AOAH: variants seen among roughly 807,000 people sequenced by gnomAD.
AOAH encodes the protein acyloxyacyl hydrolase (neutrophil).
In AOAH, 64 loss-of-function variants were observed where a neutral mutation model predicts 92.2. That is an observed-to-expected ratio of 0.69 (90% CI 0.57 to 0.86). The LOEUF is 0.86. Ranked by LOEUF, AOAH falls within the 40% of genes least tolerant of loss-of-function variation. AOAH has a pLI of 0.00. For missense variants in AOAH, 656 were observed against 694.6 expected, an observed-to-expected ratio of 0.94 and a Z score of 0.62; for synonymous variants, 263 against 254.5, an observed-to-expected ratio of 1.03 and a Z score of -0.32.
rs1182018694 is a variant in AOAH at position 36,668,793 on chromosome 7, T to G, written c.290+5150A>C. Among the ~76,000 whole-genome samples the G allele has an allele frequency of 2.0e-5, 3 of 152,262 alleles. No homozygotes were observed. In the East Asian group the frequency reaches 5.8e-4, roughly 29 times the overall value. ...TGAGCCATCACACCCAGCCCTGATC[T>G]TACTTCTCTTAAAGATCTATGAAGT... On this transcript the variant is annotated intron_variant, in intron 3 of 20. Coordinates refer to ENST00000617537, the MANE Select transcript of AOAH (RefSeq NM_001637.4).
rs778805687 is a variant in AOAH at position 36,522,125 on chromosome 7, A to G, written c.1523-10T>C. 1.2e-6 allele frequency: 2 copies of G among 1,613,788 alleles called. No homozygotes were observed. The highest frequency in any genetic ancestry group is 1.1e-5 in the South Asian group (1 of 91,064). On this transcript the variant is annotated splice_polypyrimidine_tract_variant and intron_variant, in intron 19 of 20. Transcript: ENST00000617537. ...TGCCACTCCTGTATGACTGCAGGGC[A>G]CATAACGAGAGGGTTACAGACACAC...
In AOAH at chr7:36,564,616, GC is replaced by G. The variant is rs1787547577; in HGVS notation, c.1021+11957del. Reference sequence around the variant, plus strand: ...CTTTCCCTGATGTCCTTTATCTCAAGCCCTAAACAAAAGACATCTGTTTAAA... The same window carrying G: ...CTTTCCCTGATGTCCTTTATCTCAAGCCTAAACAAAAGACATCTGTTTAAA... On this transcript the variant is annotated intron_variant, in intron 13 of 20. Transcript: ENST00000617537. 3.3e-5 allele frequency among the ~76,000 whole-genome samples: 5 copies of G among 152,326 alleles called. No individual in the cohort carries two copies. The South Asian group carries it at 1.0e-3, about 32-fold the overall frequency.
chr7:36,698,390 T>C lies in AOAH; in HGVS notation c.128-11596A>G, dbSNP rs140234097. On this transcript the variant is annotated intron_variant, in intron 1 of 20. Transcript: ENST00000617537. Reference sequence around the variant, plus strand: ...ATTTCAAAAGGACTATATTTTGGTTTCATCGATTCTCTCTATTGCATTCCT... The same window carrying C: ...ATTTCAAAAGGACTATATTTTGGTTCCATCGATTCTCTCTATTGCATTCCT... Among the ~76,000 whole-genome samples, 15 of 152,252 alleles carry C rather than the reference T, an allele frequency of 9.9e-5. No homozygotes were observed. The East Asian group carries it at 2.9e-3, about 29-fold the overall frequency.
At chr7:36,683,583 A>G (rs1323076311) in intron 2 of AOAH, among the ~76,000 whole-genome samples, 3 of 152,188 alleles carry the variant, frequency 2.0e-5, no homozygotes, top group Non-Finnish European at 2.9e-5. Flanking sequence ...TTTTATGTGC[A>G]AGGAAGGATA....
intron 13 of AOAH, among the ~76,000 whole-genome samples, chr7:36,562,878 G>A (rs1245894879): frequency 6.6e-6 from 1 of 152,018 alleles, no homozygotes; most frequent in Non-Finnish European, 1.5e-5. Context: ...GCCAGACGCG[G>A]TGGCTCACAC....
intron 16 of AOAH, among the ~76,000 whole-genome samples, chr7:36,540,071 C>A (rs768980140): frequency 1.3e-5 from 2 of 152,116 alleles, no homozygotes; most frequent in African/African-American, 2.4e-5. Context: ...CTGGTTTGAG[C>A]ACTTACCTTT....
chr7:36,582,720 T>C (rs1789019886), intron 12 of AOAH, among the ~76,000 whole-genome samples: 1 of 152,206 alleles, frequency 6.6e-6, no homozygotes, highest in Non-Finnish European at 1.5e-5. Flanking sequence ...AGAACCTATT[T>C]GGAGAGAGGC....
chr7:36,610,508 TTTTA>T (rs890387732), intron 11 of AOAH, among the ~76,000 whole-genome samples: 10 of 102,892 alleles, frequency 9.7e-5, no homozygotes, highest in African/African-American at 3.4e-4. Flanking sequence ...TTTTTTTTTT[TTTTA>T]AAAAAAAAGA....
At chr7:36,658,749 C>T (rs950792851) in intron 4 of AOAH, among the ~76,000 whole-genome samples, 23 of 152,266 alleles carry the variant, frequency 1.5e-4, no homozygotes, top group Admixed American at 9.8e-4. Flanking sequence ...TAAGGCTCAG[C>T]GTAGGGTGAC....
Position 36,616,454 on chromosome 7 carries a change from T to G in AOAH, c.772A>C (p.Ile258Leu). 6.2e-7 allele frequency: 1 copy of G among 1,614,080 alleles called. No homozygotes were observed. The highest frequency in any genetic ancestry group is 1.3e-5 in the African/African-American group (1 of 75,048). ...FCEGSQPRGI[I>L]LLGDSAGAHF... ...GCCCCAGCTGAGTCTCCCAGCAAAA[T>G]GATTCCCCTGGGCTGTGAACCTAGG... The change falls in exon 11 of 21, where the codon ATT (isoleucine) becomes CTT (leucine). Residue 258 changes from isoleucine (I) to leucine (L), a missense_variant. Ile to Leu is a conservative substitution (Grantham distance 5). Transcript: ENST00000617537.
chr7:36,716,110 C>T (rs1211405507), intron 1 of AOAH, among the ~76,000 whole-genome samples: 1 of 152,074 alleles, frequency 6.6e-6, no homozygotes, highest in Non-Finnish European at 1.5e-5. Context: ...ATCTACAATG[C>T]ACTCAAAACA....
intron 11 of AOAH, among the ~76,000 whole-genome samples, chr7:36,605,338 A>G (rs1790921205): frequency 6.6e-6 from 1 of 152,226 alleles, no homozygotes; most frequent in South Asian, 2.1e-4. Flanking sequence ...CCACATGCCA[A>G]TGAACTTGAG....
chr7:36,712,485 T>C (rs4723561), intron 1 of AOAH, among the ~76,000 whole-genome samples: 89,171 of 152,070 alleles, frequency 0.59, 26,547 homozygotes, highest in East Asian at 0.83. Context: ...AAATCACCCA[T>C]GTAAAGAAAT....
intron 1 of AOAH, 54 bp downstream of exon 1, chr7:36,723,968 C>A: frequency 1.3e-6 from 2 of 1,575,278 alleles, no homozygotes; most frequent in Non-Finnish European, 1.7e-6. Flanking sequence ...AAGCAAAGTA[C>A]TGGATCCCAT....
intron 15 of AOAH, among the ~76,000 whole-genome samples, chr7:36,548,261 T>C (rs954282512): frequency 2.0e-4 from 30 of 152,294 alleles, no homozygotes; most frequent in African/African-American, 6.5e-4. Context: ...TCTCAGCTCA[T>C]GGCAACCTCT....
intron 5 of AOAH, among the ~76,000 whole-genome samples, chr7:36,634,571 G>A (rs1034866730): frequency 3.9e-5 from 6 of 152,070 alleles, no homozygotes; most frequent in African/African-American, 1.2e-4. Context: ...GCCCCTGGCC[G>A]AATAAATCCC....
intron 19 of AOAH, among the ~76,000 whole-genome samples, chr7:36,524,375 G>A (rs544568193): frequency 4.6e-5 from 7 of 151,942 alleles, no homozygotes; most frequent in East Asian, 3.9e-4. Context: ...AGCCAGGTGC[G>A]GTGGCTCACA....
chr7:36,639,496 A>AGTTTTCCATGG (rs1793751755), intron 4 of AOAH, among the ~76,000 whole-genome samples: 1 of 152,248 alleles, frequency 6.6e-6, no homozygotes, highest in Non-Finnish European at 1.5e-5. Context: ...ACATGGAAAT[A>AGTTTTCCATGG]AAAGCAAAAG....
At chr7:36,632,151 G>A (rs757526573) in intron 5 of AOAH, 45 bp from the exon 6 acceptor site, 1 of 1,528,814 alleles carries the variant, frequency 6.5e-7, no homozygotes, top group African/African-American at 1.4e-5. Flanking sequence ...TTAGTTTAAG[G>A]AGTGGTTCCC....
Sources: gnomAD v4.1 joint callset for allele counts (sites outside exome capture counted in the v4.1 genomes callset) on GRCh38, gnomAD v4.1.1 for gene constraint, MANE v1.5 for transcripts, NCBI Gene and HGNC (gene_info 2026-07-23, HGNC 2026-07-21) for gene names.